Variants in CHD7 observed in about 807,000 individuals in gnomAD.
CHD7 encodes the protein chromodomain helicase DNA binding protein 7.
CHD7 carries 24 observed loss-of-function variants against 307.3 expected under a neutral mutation model. That is an observed-to-expected ratio of 0.08 (90% CI 0.06 to 0.11). CHD7 has a LOEUF of 0.11. Among genes scored for constraint, CHD7 ranks in the 10% least tolerant of loss-of-function variants. The probability of loss-of-function intolerance (pLI) is 1.00; values close to 1 mark genes in which losing one functional copy is unlikely to be tolerated. For synonymous variants in CHD7, 1,363 were observed against 1,349.9 expected, an observed-to-expected ratio of 1.01 and a Z score of -0.21; for missense variants, 3,106 against 3,727.1, an observed-to-expected ratio of 0.83 and a Z score of 4.34.
intron 2 of CHD7, among the ~76,000 whole-genome samples, chr8:60,762,333 G>A (rs1810255844): frequency 6.6e-6 from 1 of 152,148 alleles, no homozygotes; most frequent in African/African-American, 2.4e-5. Flanking sequence ...GCTGAATGTG[G>A]GGTCTGGGCT....
chr8:60,852,495 C>T lies in CHD7; in HGVS notation c.5895-3C>T, dbSNP rs757905650. On this transcript the variant is annotated splice_polypyrimidine_tract_variant and splice_region_variant and intron_variant, in intron 29 of 37. Transcript: ENST00000423902. ...ATGCAAGCTAATATAATCTTTCTAA[C>T]AGGTGGACAAGAAGAGAAGAGGCTG... The T allele has an allele frequency of 4.7e-5, 76 of 1,610,848 alleles. No homozygotes were observed. Among genetic ancestry groups the T allele is most frequent in the Non-Finnish European group, 6.2e-5 (73 of 1,177,584 alleles).
chr8:60,794,982 C>CT lies in CHD7; in HGVS notation c.2097-3dup, dbSNP rs1460844907. ...AACACTAAGCGATCCACTTTGAATT[C>CT]TAGTAATAAGAAACCTGACTCAGAA... is the stretch of plus-strand genomic sequence containing the variant. On this transcript the variant is annotated splice_region_variant and splice_polypyrimidine_tract_variant and intron_variant, in intron 3 of 37. Transcript: ENST00000423902. 2 of 1,611,390 alleles carry CT rather than the reference C, an allele frequency of 1.2e-6. No individual in the cohort carries two copies. The highest frequency in any genetic ancestry group is 2.2e-5 in the South Asian group (2 of 90,562).
At chr8:60,693,791 G>A (rs1806320574) in intron 1 of CHD7, among the ~76,000 whole-genome samples, 1 of 152,256 alleles carries the variant, frequency 6.6e-6, no homozygotes, top group African/African-American at 2.4e-5. Context: ...AATGTCAATA[G>A]TATAATGTTA....
chr8:60,766,991 T>C (rs1166153761), intron 2 of CHD7, among the ~76,000 whole-genome samples: 2 of 151,982 alleles, frequency 1.3e-5, no homozygotes, highest in East Asian at 3.9e-4. Context: ...GCCCCAGAAA[T>C]TATAGGTCGA....
chr8:60,709,350 G>A (rs1807170018), intron 1 of CHD7, among the ~76,000 whole-genome samples: 1 of 152,174 alleles, frequency 6.6e-6, no homozygotes, highest in Non-Finnish European at 1.5e-5. Context: ...ATGATAAACA[G>A]TGTAAAAATC....
At chr8:60,761,194 G>A (rs1009213727) in intron 2 of CHD7, among the ~76,000 whole-genome samples, 5 of 151,712 alleles carry the variant, frequency 3.3e-5, no homozygotes, top group African/African-American at 1.2e-4. Context: ...CCTTTGTAGG[G>A]ACATGGATGA....
chr8:60,703,491 A>G (rs1806869637), intron 1 of CHD7, among the ~76,000 whole-genome samples: 1 of 152,134 alleles, frequency 6.6e-6, no homozygotes, highest in Non-Finnish European at 1.5e-5. Flanking sequence ...ACAGAAGACT[A>G]CTTGTGCTTT....
In CHD7 at chr8:60,837,758, G is replaced by A. The variant is rs1363072530; in HGVS notation, c.4276G>A (p.Asp1426Asn). The change falls in exon 18 of 38, where the codon GAC becomes AAC. Residue 1426 changes from aspartate to asparagine, a missense_variant. Physicochemically the swap from Asp to Asn is conservative, Grantham distance 23. Around this residue, in one of 10 missense-constraint regions of CHD7, gnomAD observed 93 missense variants for 176.4 expected, o/e 0.53. Transcript: ENST00000423902. ...TRNSYEREMF[D>N]KASLKLGLDK... ...AAATTCCTATGAAAGGGAAATGTTC[G>A]ACAAGGCTAGTTTGAAACTGGGCCT... The A allele has an allele frequency of 5.0e-6, 8 of 1,613,092 alleles. No individual in the cohort carries two copies. Among genetic ancestry groups the A allele is most frequent in the South Asian group, 2.2e-5 (2 of 90,886 alleles).
In CHD7 at chr8:60,781,254, AAAAAAG is replaced by A; in HGVS notation, c.1931_1936del (p.Lys644_Lys645del). The stretch of plus-strand genomic sequence containing the variant: ...ACTCACTGGATGGGTCCCAAGAAGA[AAAAAAG>A]AAAAAGAAAAGGTCAAAGGCAAAAA... On this transcript the variant is annotated inframe_deletion, in exon 3 of 38. Coordinates refer to ENST00000423902, the MANE Select transcript of CHD7 (RefSeq NM_017780.4). 6.4e-7 allele frequency: 1 copy of A among 1,569,512 alleles called. No homozygotes were observed. The highest frequency in any genetic ancestry group is 8.6e-7 in the Non-Finnish European group (1 of 1,157,102).
intron 1 of CHD7, among the ~76,000 whole-genome samples, chr8:60,734,819 A>G (rs969491502): frequency 5.3e-5 from 8 of 152,180 alleles, no homozygotes; most frequent in African/African-American, 9.7e-5. Context: ...TTTGGACTGG[A>G]ACCTGAAAGC....
chr8:60,692,082 T>C (rs970866580), intron 1 of CHD7, among the ~76,000 whole-genome samples: 1 of 152,218 alleles, frequency 6.6e-6, no homozygotes, highest in Non-Finnish European at 1.5e-5. Flanking sequence ...GCAATGAATG[T>C]ACTTTGGAAA....
At chr8:60,839,833 T>A (rs146065542) in intron 19 of CHD7, among the ~76,000 whole-genome samples, 27 of 152,358 alleles carry the variant, frequency 1.8e-4, no homozygotes, top group African/African-American at 5.1e-4. Flanking sequence ...GAAGGTTCTG[T>A]ATTAATATGA....
intron 6 of CHD7, among the ~76,000 whole-genome samples, chr8:60,806,263 T>C (rs1376347737): frequency 6.6e-6 from 1 of 152,036 alleles, no homozygotes; most frequent in Non-Finnish European, 1.5e-5. Context: ...CTCAGGAGGC[T>C]GAGACAGGAG....
Position 60,742,905 on chromosome 8 carries a change from C to T in CHD7, c.1473C>T (p.Ile491=), listed in dbSNP as rs182294889. 1.1e-4 allele frequency: 175 copies of T among 1,612,502 alleles called. No individual in the cohort carries two copies. The highest frequency in any genetic ancestry group is 4.5e-5 in the East Asian group (2 of 44,830). The change falls in exon 2 of 38, where the codon ATC becomes ATT. Residue 491 remains isoleucine, a synonymous_variant. Coordinates refer to ENST00000423902, the MANE Select transcript of CHD7 (RefSeq NM_017780.4). Reference sequence around the variant, plus strand: ...TTGGCCTTGGAGACCCACAAGCAATCCAGGAACGACTGATACCTGGCCAAC... The same window carrying T: ...TTGGCCTTGGAGACCCACAAGCAATTCAGGAACGACTGATACCTGGCCAAC... ...PGVGLGDPQA[I]QERLIPGQQH...
At chr8:60,839,880 T>A (rs1804892821) in intron 19 of CHD7, among the ~76,000 whole-genome samples, 1 of 152,240 alleles carries the variant, frequency 6.6e-6, no homozygotes, top group South Asian at 2.1e-4. Context: ...CTTAATAGCA[T>A]ATAATTTTAA....
chr8:60,852,415 G>T (rs1203550471), intron 29 of CHD7, 83 bp from the exon 30 acceptor site: 1 of 1,402,780 alleles, frequency 7.1e-7, no homozygotes, highest in East Asian at 2.4e-5. Flanking sequence ...CATGTATAAA[G>T]TCTGGGGGGA....
chr8:60,704,097 C>T (rs550270611), intron 1 of CHD7, among the ~76,000 whole-genome samples: 1 of 152,196 alleles, frequency 6.6e-6, no homozygotes, highest in Admixed American at 6.5e-5. Context: ...GTTAAACCTA[C>T]TCATAGAAAA....
At position 60,862,068 on chromosome 8, in the gene CHD7, T is replaced by A. The variant is rs548445535; in HGVS notation, c.7831-128T>A. 22 of 741,828 alleles carry A rather than the reference T, an allele frequency of 3.0e-5. No homozygotes were observed. The South Asian group carries it at 5.6e-4, about 19-fold the overall frequency. The allele number at this position is 741,828 out of a possible 1,614,324, so 46.0% of individuals were successfully genotyped here. On this transcript the variant is annotated intron_variant, in intron 35 of 37. Coordinates refer to ENST00000423902, the MANE Select transcript of CHD7 (RefSeq NM_017780.4). ...AAGAGAAAAATATGGTTTCTAATAT[T>A]AATAATTAAAATGATTCTTGAAACT...
chr8:60,711,927 C>CA (rs1358426395), intron 1 of CHD7, among the ~76,000 whole-genome samples: 1 of 152,160 alleles, frequency 6.6e-6, no homozygotes, highest in Non-Finnish European at 1.5e-5. Flanking sequence ...ACAAAACCAC[C>CA]AAATGGCTGG....
Sources: allele counts gnomAD v4.1 joint callset (sites outside exome capture counted in the v4.1 genomes callset), GRCh38; gene constraint gnomAD v4.1.1; regional missense constraint gnomAD v4.1.1; transcripts MANE v1.5; gene names NCBI Gene and HGNC (gene_info 2026-07-23, HGNC 2026-07-21).